Variants in ROBO2 observed in about 807,000 individuals in gnomAD.
ROBO2 encodes roundabout guidance receptor 2.
In ROBO2, 53 loss-of-function variants were observed where a neutral mutation model predicts 160.8. That is an observed-to-expected ratio of 0.33 (90% CI 0.26 to 0.41). The LOEUF is 0.41. ROBO2 is among the 10% of genes least tolerant of loss of function. The pLI, the probability that ROBO2 is intolerant of heterozygous loss-of-function variation, is 1.00. For synonymous variants in ROBO2, 664 were observed against 611.7 expected (o/e 1.09, Z -1.26); for missense variants, 1,577 against 1,722.4 (o/e 0.92, Z 1.49).
At chr3:76,139,695 A>C (rs1456248956) in intron 2 of ROBO2, among the ~76,000 whole-genome samples, 1 of 152,088 alleles carries the variant, frequency 6.6e-6, no homozygotes, top group Admixed American at 6.6e-5. Context: ...AACCTTTAGA[A>C]TACATCTTGA....
rs116305831 is a variant in ROBO2 at position 76,454,019 on chromosome 3, G to A, written c.109+516417G>A. On this transcript the variant is annotated intron_variant, in intron 2 of 26. Coordinates refer to the ROBO2 transcript ENST00000487694. ...CTCATTTCTGTGCAACTTATACATG[G>A]TTGTGTGTTTCTCCAAAGACACTAA... Among the ~76,000 whole-genome samples, 387 of 152,234 alleles carry A rather than the reference G, an allele frequency of 2.5e-3. 1 individual carries two copies. Among genetic ancestry groups the A allele is most frequent in the African/African-American group, 9.2e-3 (381 of 41,546 alleles).
rs555799873 is a variant in ROBO2 at position 77,270,351 on chromosome 3, G to A, written c.388+172011G>A. ...AACATTGTCAATGAGAAAACTCTGT[G>A]TATATACATTCAGAAACATTCAATT... On this transcript the variant is annotated intron_variant, in intron 2 of 25. Coordinates refer to ENST00000461745, the Ensembl canonical transcript of ROBO2. 2.6e-5 allele frequency among the ~76,000 whole-genome samples: 4 copies of A among 152,270 alleles called. No homozygotes were observed. In the South Asian group the frequency reaches 8.3e-4, roughly 32 times the overall value.
At chr3:76,632,606 C>A (rs1351785368) in intron 2 of ROBO2, among the ~76,000 whole-genome samples, 3 of 152,166 alleles carry the variant, frequency 2.0e-5, no homozygotes, top group Non-Finnish European at 4.4e-5. Flanking sequence ...AGAAAAGATT[C>A]ATACTGTCAC....
intron 2 of ROBO2, among the ~76,000 whole-genome samples, chr3:76,316,843 G>A (rs563865766): frequency 7.7e-4 from 117 of 152,218 alleles, no homozygotes; most frequent in East Asian, 5.2e-3. Context: ...CCTCGGCCGC[G>A]GCTCCAGCCA....
At chr3:77,397,165 G>A (rs2075358473) in intron 2 of ROBO2, among the ~76,000 whole-genome samples, 1 of 152,004 alleles carries the variant, frequency 6.6e-6, no homozygotes, top group Admixed American at 6.6e-5. Flanking sequence ...TCACCCAAAA[G>A]AAAGTCCGTC....
chr3:76,622,544 G>A (rs2089299364), intron 2 of ROBO2, among the ~76,000 whole-genome samples: 1 of 151,978 alleles, frequency 6.6e-6, no homozygotes, highest in Non-Finnish European at 1.5e-5. Flanking sequence ...TCTACAACAG[G>A]AGTCATTCAA....
chr3:76,860,735 A>T (rs769861618), intron 2 of ROBO2, among the ~76,000 whole-genome samples: 8 of 151,834 alleles, frequency 5.3e-5, no homozygotes, highest in Non-Finnish European at 1.2e-4. Flanking sequence ...ACTATATATA[A>T]TCATACTTAA....
intron 2 of ROBO2, among the ~76,000 whole-genome samples, chr3:76,029,569 A>T (rs2066852595): frequency 6.6e-6 from 1 of 151,932 alleles, no homozygotes; most frequent in Non-Finnish European, 1.5e-5. Flanking sequence ...CCCAGTGTTC[A>T]AGTGTTCTCA....
At chr3:77,164,721 G>GC in intron 2 of ROBO2, among the ~76,000 whole-genome samples, 1 of 91,474 alleles carries the variant, frequency 1.1e-5, no homozygotes, top group South Asian at 3.6e-4. Context: ...GGGGGTGTCA[G>GC]CCCTCCGCCC....
intron 2 of ROBO2, among the ~76,000 whole-genome samples, chr3:77,435,897 A>C (rs1280791285): frequency 6.6e-6 from 1 of 151,438 alleles, no homozygotes; most frequent in Admixed American, 6.6e-5. Flanking sequence ...ATCATAATGT[A>C]AATGTTTTAT....
Position 76,896,881 on chromosome 3 carries a change from T to C in ROBO2, c.110-201133T>C, listed in dbSNP as rs149452080. ...TACTTTTAAAATAGTATTTTTAAGC[T>C]CCAAATTTCAAAATATACAGGAGTT... On this transcript the variant is annotated intron_variant, in intron 2 of 26. Coordinates refer to the ROBO2 transcript ENST00000487694. Among the ~76,000 whole-genome samples the C allele has an allele frequency of 1.5e-3, 230 of 152,278 alleles. 2 individuals carry two copies. Among genetic ancestry groups the C allele is most frequent in the African/African-American group, 5.2e-3 (217 of 41,558 alleles).
intron 6 of ROBO2, among the ~76,000 whole-genome samples, chr3:77,535,966 A>G (rs1017142114): frequency 5.3e-5 from 8 of 152,218 alleles, no homozygotes; most frequent in African/African-American, 1.9e-4. Flanking sequence ...CACCTTATTT[A>G]CAGTGTGAGT....
intron 2 of ROBO2, among the ~76,000 whole-genome samples, chr3:76,497,208 TC>T (rs1292352347): frequency 6.6e-6 from 1 of 152,196 alleles, no homozygotes; most frequent in African/African-American, 2.4e-5. Context: ...CTTGTTTTTT[TC>T]ATGCCTCTGT....
intron 2 of ROBO2, among the ~76,000 whole-genome samples, chr3:76,367,360 TTGAAAA>T (rs2075870602): frequency 6.6e-6 from 1 of 152,016 alleles, no homozygotes. Flanking sequence ...TGAGGAAAAC[TTGAAAA>T]TGAAGATACA....
chr3:76,327,070 A>G (rs72630399), intron 2 of ROBO2, among the ~76,000 whole-genome samples: 14,072 of 152,090 alleles, frequency 0.093, 1,307 homozygotes, highest in East Asian at 0.41. Flanking sequence ...CAAAGTTTCT[A>G]GAAGAAGAAT....
chr3:77,209,009 C>A (rs1361284416), intron 2 of ROBO2, among the ~76,000 whole-genome samples: 2 of 152,132 alleles, frequency 1.3e-5, no homozygotes, highest in Non-Finnish European at 2.9e-5. Context: ...TGCTTCATTT[C>A]TGACAATTTA....
At chr3:77,183,187 C>T (rs1283209423) in intron 2 of ROBO2, among the ~76,000 whole-genome samples, 1 of 151,992 alleles carries the variant, frequency 6.6e-6, no homozygotes, top group Non-Finnish European at 1.5e-5. Context: ...AAAGCTGAAA[C>T]GTTCTTTCCT....
At chr3:75,916,953 G>A (rs922228977) in intron 1 of ROBO2, among the ~76,000 whole-genome samples, 1 of 150,690 alleles carries the variant, frequency 6.6e-6, no homozygotes, top group Non-Finnish European at 1.5e-5. Flanking sequence ...GTACATATAT[G>A]TACATAATGA....
At chr3:76,150,882 AC>A (rs1317048945) in intron 2 of ROBO2, among the ~76,000 whole-genome samples, 1 of 152,144 alleles carries the variant, frequency 6.6e-6, no homozygotes, top group Non-Finnish European at 1.5e-5. Context: ...GTGATAGATG[AC>A]CAAAAAACAT....
Sources: gnomAD v4.1 joint callset for allele counts (sites outside exome capture counted in the v4.1 genomes callset) on GRCh38, gnomAD v4.1.1 for gene constraint, MANE v1.5 for transcripts, NCBI Gene and HGNC (gene_info 2026-07-23, HGNC 2026-07-21) for gene names.